TMEM255A: variants seen among roughly 807,000 people sequenced by gnomAD.
TMEM255A encodes transmembrane protein 255A, also known as family with sequence similarity 70, member A.
A neutral mutation model predicts 23.5 loss-of-function variants in TMEM255A; 14 were observed. That is an observed-to-expected ratio of 0.60 (90% CI 0.39 to 0.93). The LOEUF (loss-of-function observed/expected upper bound fraction) is 0.93, where lower values mean the gene tolerates loss of function less well. TMEM255A is among the 40% of genes least tolerant of loss of function. The pLI is 0.00. For synonymous variants in TMEM255A, 104 were observed against 100.3 expected (o/e 1.04, Z -0.22); for missense variants, 233 against 261.7 (o/e 0.89, Z 0.76).
intron 2 of TMEM255A, among the ~76,000 whole-genome samples, chrX:120,301,873 G>A (rs1304962431): frequency 4.5e-5 from 5 of 111,618 alleles, no homozygotes; most frequent in South Asian, 7.6e-4. Flanking sequence ...ATTCTCAGGC[G>A]TTTACTGTTT....
chrX:120,303,233 A>T (rs1556026349), intron 2 of TMEM255A, among the ~76,000 whole-genome samples: 1 of 111,605 alleles, frequency 9.0e-6, no homozygotes, highest in Non-Finnish European at 1.9e-5. Flanking sequence ...TTTCCTATTT[A>T]TTGTTTATCT....
intron 2 of TMEM255A, among the ~76,000 whole-genome samples, chrX:120,297,023 TATATATATA>T (rs1333770679): frequency 4.8e-4 from 2 of 4,182 alleles, no homozygotes; most frequent in Non-Finnish European, 6.6e-4. Flanking sequence ...ATATATATTA[TATATATATA>T]ATATATAATA....
chrX:120,254,726 C>T (rs1263988292), downstream of TMEM255A: 15 of 1,209,557 alleles, frequency 1.2e-5, no homozygotes, highest in Admixed American at 1.3e-4. Context: ...ATGCAAATAT[C>T]GGTGAAGATA....
At chrX:120,308,015 C>G (rs139277489) in intron 1 of TMEM255A, among the ~76,000 whole-genome samples, 1,237 of 112,156 alleles carry the variant, frequency 0.011, 21 homozygotes, top group African/African-American at 0.038. Context: ...TCCCCCTGGT[C>G]AGAGCCCCCA....
At chrX:120,299,331 A>G (rs1471932713) in intron 2 of TMEM255A, among the ~76,000 whole-genome samples, 1 of 110,118 alleles carries the variant, frequency 9.1e-6, no homozygotes, top group Admixed American at 9.6e-5. Context: ...TTTTATAGAG[A>G]CAAAGTTTTG....
At chrX:120,285,368 G>A (rs1006707477) in intron 5 of TMEM255A, among the ~76,000 whole-genome samples, 153 bp from the exon 6 acceptor site, 6 of 111,680 alleles carry the variant, frequency 5.4e-5, no homozygotes, top group Non-Finnish European at 7.5e-5. Flanking sequence ...TGGATGGGGA[G>A]CTGGCCGAAC....
chrX:120,283,376 G>A (rs1556021196), intron 6 of TMEM255A, among the ~76,000 whole-genome samples: 1 of 111,314 alleles, frequency 9.0e-6, no homozygotes, highest in African/African-American at 3.3e-5. Flanking sequence ...AAGAGCTGGT[G>A]TATGGTCTCT....
At chrX:120,274,002 C>T (rs915877984) in intron 7 of TMEM255A, among the ~76,000 whole-genome samples, 2 of 112,030 alleles carry the variant, frequency 1.8e-5, no homozygotes, top group Non-Finnish European at 3.8e-5. Flanking sequence ...ATGAAAACAA[C>T]CCAAATGTAT....
chrX:120,287,156 C>T lies in TMEM255A; in HGVS notation c.421G>A (p.Glu141Lys). The change falls in exon 5 of 9, where the codon GAG becomes AAG. Residue 141 changes from glutamate (E) to lysine (K), a missense_variant and splice_region_variant. Transcript: ENST00000371369. ...CATGCAGCCTCATTCTGGCTCACCT[C>T]CTCAGCTTCCTTCTGTGATGTCTTG... is the stretch of plus-strand genomic sequence containing the variant. ...VPKTSQKEAE[E>K]VNCPHLSREF... 2 of 1,209,418 alleles carry T rather than the reference C, an allele frequency of 1.7e-6. No individual in the cohort carries two copies. Among genetic ancestry groups the T allele is most frequent in the Non-Finnish European group, 2.2e-6 (2 of 893,319 alleles).
In TMEM255A at chrX:120,296,801, ATATATAAT is replaced by A. The variant is rs1556024324; in HGVS notation, c.202-2758_202-2751del. ...TTATATATCATATATAATATATATG[ATATATAAT>A]ATATATCATATATAATATATATGAT... is the stretch of plus-strand genomic sequence containing the variant. On this transcript the variant is annotated intron_variant, in intron 2 of 8. Coordinates refer to ENST00000371369, the MANE Select transcript of TMEM255A (RefSeq NM_001104544.3). 7.3e-3 allele frequency among the ~76,000 whole-genome samples: 39 copies of A among 5,346 alleles called. 1 individual carries two copies. The highest frequency in any genetic ancestry group is 0.024 in the African/African-American group (39 of 1,598). The allele number at this position is 5,346 out of a possible 115,157, so 4.6% of individuals were successfully genotyped here. A position where few individuals can be genotyped will look rare whatever the true frequency, so the allele number is the denominator to read the frequency against.
chrX:120,303,714 A>G (rs1422475638), intron 2 of TMEM255A, among the ~76,000 whole-genome samples: 2 of 109,953 alleles, frequency 1.8e-5, no homozygotes, highest in Non-Finnish European at 3.8e-5. Flanking sequence ...GTCTTTAATG[A>G]CAAGCTTCAC....
Position 120,294,157 on chromosome X carries a change from G to A in TMEM255A, c.202-106C>T, listed in dbSNP as rs1017859274. On this transcript the variant is annotated intron_variant, in intron 2 of 8. Coordinates refer to ENST00000371369, the MANE Select transcript of TMEM255A (RefSeq NM_001104544.3). ...TCAGGATAAAAGAAAAAACTGGGCC[G>A]GGCGCGGTGGCTCACGCCTGTAATC... 13 of 538,486 alleles carry A rather than the reference G, an allele frequency of 2.4e-5. No homozygotes were observed. The South Asian group carries it at 4.1e-4, about 17-fold the overall frequency. 44.4% of individuals were successfully genotyped at this position (538,486 alleles called of 1,213,427 possible).
In TMEM255A at chrX:120,296,848, C is replaced by A. The variant is rs5909696; in HGVS notation, c.202-2797G>T. Among the ~76,000 whole-genome samples the A allele has an allele frequency of 4.0e-3, 39 of 9,644 alleles. 1 individual carries two copies. Among genetic ancestry groups the A allele is most frequent in the African/African-American group, 0.021 (28 of 1,340 alleles). 8.4% of individuals were successfully genotyped at this position (9,644 alleles called of 115,157 possible). On this transcript the variant is annotated intron_variant, in intron 2 of 8. Transcript: ENST00000371369. ...AATATATATGATATATAATATATAT[C>A]ATATATAATATATAATATATTATAT...
rs782209333 is a variant in TMEM255A, at chrX:120,260,863, TTCC to T, written c.*4_*6del. 4.4e-5 allele frequency: 53 copies of T among 1,202,901 alleles called. No individual in the cohort carries two copies. The Admixed American group carries it at 8.5e-4, about 19-fold the overall frequency. On this transcript the variant is annotated 3_prime_UTR_variant, in exon 9 of 9. Coordinates refer to ENST00000371369, the MANE Select transcript of TMEM255A (RefSeq NM_001104544.3). Reference sequence around the variant, plus strand: ...CAATAATCTCAATAGCCAGCAGGCATTCCTCTTTAGGGACTGTAAGGTGGTGGC... The same window carrying T: ...CAATAATCTCAATAGCCAGCAGGCATTCTTTAGGGACTGTAAGGTGGTGGC...
chrX:120,292,967 C>T lies in TMEM255A; in HGVS notation c.264+1022G>A, dbSNP rs781979743. Among the ~76,000 whole-genome samples, 3 of 112,129 alleles carry T rather than the reference C, an allele frequency of 2.7e-5. No homozygotes were observed. The South Asian group carries it at 1.1e-3, about 42-fold the overall frequency. ...GATCAGCTCTACAATTAAAATTCCCCCATTATTTTGAATAATTTAAGCCTA... is the reference window on the plus strand; with the variant it reads ...GATCAGCTCTACAATTAAAATTCCCTCATTATTTTGAATAATTTAAGCCTA... On this transcript the variant is annotated intron_variant, in intron 3 of 8. Coordinates refer to ENST00000371369, the MANE Select transcript of TMEM255A (RefSeq NM_001104544.3).
chrX:120,266,891 G>GT (rs2057721545), intron 8 of TMEM255A, among the ~76,000 whole-genome samples: 1 of 112,308 alleles, frequency 8.9e-6, no homozygotes, highest in African/African-American at 3.2e-5. Context: ...AGTTACCTGA[G>GT]TTGTCTACCT....
intron 2 of TMEM255A, 65 bp downstream of exon 2, chrX:120,304,284 A>T: frequency 9.2e-7 from 1 of 1,087,737 alleles, no homozygotes; most frequent in Non-Finnish European, 1.2e-6. Flanking sequence ...GAAAACTATC[A>T]GAGCAGAGCC....
chrX:120,260,696 C>T lies in TMEM255A; in HGVS notation c.*174G>A. The T allele has an allele frequency of 3.3e-6, 2 of 613,364 alleles. No individual in the cohort carries two copies. Among genetic ancestry groups the T allele is most frequent in the Non-Finnish European group, 4.8e-6 (2 of 420,136 alleles). The allele number at this position is 613,364 out of a possible 1,213,427, so 50.5% of individuals were successfully genotyped here. A position where few individuals can be genotyped will look rare whatever the true frequency, so the allele number is the denominator to read the frequency against. Reference sequence around the variant, plus strand: ...TTCTGTGCTGCGTTCAGCCTGACCACCCCTGCTCTGCACTAATAATGAATA... The same window carrying T: ...TTCTGTGCTGCGTTCAGCCTGACCATCCCTGCTCTGCACTAATAATGAATA... On this transcript the variant is annotated 3_prime_UTR_variant, in exon 9 of 9. Coordinates refer to ENST00000371369, the MANE Select transcript of TMEM255A (RefSeq NM_001104544.3).
chrX:120,292,760 GA>G (rs1209067613), intron 3 of TMEM255A, among the ~76,000 whole-genome samples: 35 of 101,371 alleles, frequency 3.5e-4, no homozygotes, highest in African/African-American at 7.2e-4. Flanking sequence ...ACTCCATCTC[GA>G]AAAAAAAAAA....
Sources: gnomAD v4.1 joint callset for allele counts (sites outside exome capture counted in the v4.1 genomes callset) on GRCh38, gnomAD v4.1.1 for gene constraint, MANE v1.5 for transcripts, NCBI Gene and HGNC (gene_info 2026-07-23, HGNC 2026-07-21) for gene names.